Variants in ZNF12 observed in about 807,000 individuals in gnomAD.
The protein encoded by ZNF12 is gonadotropin inducible transcription repressor 3.
In ZNF12, 34 loss-of-function variants were observed where a neutral mutation model predicts 66.6. That is an observed-to-expected ratio of 0.51 (90% CI 0.39 to 0.68). The LOEUF is 0.68. Among genes scored for constraint, ZNF12 ranks in the 30% least tolerant of loss-of-function variants. The pLI is 0.00. For missense variants in ZNF12, 697 were observed against 826.9 expected (o/e 0.84, Z 1.93); for synonymous variants, 320 against 278.9 (o/e 1.15, Z -1.47).
Position 6,698,325 on chromosome 7 carries a change from G to T in ZNF12, c.16-514C>A, listed in dbSNP as rs1780184377. On this transcript the variant is annotated intron_variant, in intron 2 of 4. Transcript: ENST00000405858. This position sits in a 1 kb window ranked among gnomAD's most constrained non-coding sequence, Gnocchi z 4.4. ...TTTCTCTTTGCTGTCTGTACTTGCT[G>T]CTTTGATGGTGAGCCCTCTTCCTGG... Among the ~76,000 whole-genome samples, 1 of 152,078 alleles carries T rather than the reference G, an allele frequency of 6.6e-6. No individual in the cohort carries two copies.
chr7:6,692,562 G>A lies in ZNF12; in HGVS notation c.380C>T (p.Pro127Leu), dbSNP rs377374284. The A allele has an allele frequency of 1.7e-5, 27 of 1,613,708 alleles. No homozygotes were observed. Among genetic ancestry groups the A allele is most frequent in the Middle Eastern group, 1.6e-4 (1 of 6,080 alleles). Residue 127 changes from proline to leucine, a missense_variant, in exon 5 of 5, where the codon CCT (proline) becomes CTT (leucine). Physicochemically the swap from Pro to Leu is moderately conservative, Grantham distance 98 (BLOSUM62 -3). Coordinates refer to ENST00000405858, the MANE Select transcript of ZNF12 (RefSeq NM_016265.4). The surrounding 1 kb of genome is among the most constrained non-coding windows in gnomAD (Gnocchi z 5.1). ...PGKTFDVETN[P>L]VPSRKIAYKN... Reference sequence around the variant, plus strand: ...ATAGGCTATTTTTCTTGAAGGAACAGGGTTCGTTTCTACATCAAAAGTTTT... The same window carrying A: ...ATAGGCTATTTTTCTTGAAGGAACAAGGTTCGTTTCTACATCAAAAGTTTT...
In ZNF12 at chr7:6,696,124, T is replaced by A. The variant is rs973401360; in HGVS notation, c.238+1215A>T. Among the ~76,000 whole-genome samples the A allele has an allele frequency of 6.6e-6, 1 of 152,228 alleles. No homozygotes were observed. Among genetic ancestry groups the A allele is most frequent in the African/African-American group, 2.4e-5 (1 of 41,462 alleles). On this transcript the variant is annotated intron_variant, in intron 4 of 4. Coordinates refer to ENST00000405858, the MANE Select transcript of ZNF12 (RefSeq NM_016265.4). The surrounding 1 kb of genome is among the most constrained non-coding windows in gnomAD (Gnocchi z 4.0). ...GATGATATCAACTGGAAACTTTAGA[T>A]GAAGACATACTGCAAATCCAGCTAG...
chr7:6,704,485 T>C (rs999831397), intron 2 of ZNF12, among the ~76,000 whole-genome samples: 1 of 149,718 alleles, frequency 6.7e-6, no homozygotes, highest in African/African-American at 2.5e-5. Flanking sequence ...GCTCAGCACT[T>C]TGGGAGGCCG....
At chr7:6,693,495 T>G (rs1284482414) in intron 4 of ZNF12, among the ~76,000 whole-genome samples, 1 of 152,254 alleles carries the variant, frequency 6.6e-6, no homozygotes, top group Non-Finnish European at 1.5e-5. Context: ...AATGATGCTA[T>G]GATTTAATGC....
chr7:6,706,424 C>T lies in ZNF12; in HGVS notation c.-51+8G>A, dbSNP rs775144702. ...TTCTCGCCCCGGGCCCGCAAACCCA[C>T]GACTTACCCTCCTGGGGCTCCGCAG... On this transcript the variant is annotated splice_region_variant and intron_variant, in intron 1 of 4. Coordinates refer to ENST00000405858, the MANE Select transcript of ZNF12 (RefSeq NM_016265.4). The T allele has an allele frequency of 5.7e-5, 27 of 474,744 alleles. 1 individual carries two copies. Among genetic ancestry groups the T allele is most frequent in the South Asian group, 4.1e-4 (27 of 65,880 alleles). 29.4% of individuals were successfully genotyped at this position (474,744 alleles called of 1,614,324 possible). A position where few individuals can be genotyped will look rare whatever the true frequency, so the allele number is the denominator to read the frequency against.
At chr7:6,693,766 T>C (rs1377907110) in intron 4 of ZNF12, among the ~76,000 whole-genome samples, 2 of 152,178 alleles carry the variant, frequency 1.3e-5, no homozygotes, top group African/African-American at 2.4e-5. Flanking sequence ...TCTTTCAATC[T>C]CCTGACCATT....
In ZNF12 at chr7:6,689,040, G is replaced by A. The variant is rs1780028356; in HGVS notation, c.*1808C>T. ...TCTATATCAACAGCTTAAAATAAATGACTTACCTAAAGTCCACTTCTGAAC... is the reference window on the plus strand; with the variant it reads ...TCTATATCAACAGCTTAAAATAAATAACTTACCTAAAGTCCACTTCTGAAC... On this transcript the variant is annotated 3_prime_UTR_variant, in exon 5 of 5. Transcript: ENST00000405858. 6.6e-6 allele frequency: 1 copy of A among 152,534 alleles called. No individual in the cohort carries two copies. Among genetic ancestry groups the A allele is most frequent in the Non-Finnish European group, 1.5e-5 (1 of 68,028 alleles). The allele number at this position is 152,534 out of a possible 1,614,324, so 9.4% of individuals were successfully genotyped here.
rs958943648 is a variant in ZNF12 at position 6,706,819 on chromosome 7, C to T, written c.-438G>A. 3.1e-6 allele frequency: 1 copy of T among 321,410 alleles called. No homozygotes were observed. Among genetic ancestry groups the T allele is most frequent in the African/African-American group, 2.3e-5 (1 of 43,044 alleles). 19.9% of individuals were successfully genotyped at this position (321,410 alleles called of 1,614,324 possible). On this transcript the variant is annotated 5_prime_UTR_variant, in exon 1 of 5. Coordinates refer to ENST00000405858, the MANE Select transcript of ZNF12 (RefSeq NM_016265.4). ...TCCGCCTGGCCCGCACAGCCCCGCG[C>T]CCGCTTGGGTGCCGGCCCGGCTCTT... is the stretch of plus-strand genomic sequence containing the variant.
chr7:6,695,666 G>A (rs556715276), intron 4 of ZNF12, among the ~76,000 whole-genome samples: 8 of 152,298 alleles, frequency 5.3e-5, no homozygotes, highest in African/African-American at 1.9e-4. Context: ...TTCCTTACAG[G>A]ACTATGATCC....
chr7:6,690,503 AAC>A lies in ZNF12; in HGVS notation c.*343_*344del, dbSNP rs1176119790. On this transcript the variant is annotated 3_prime_UTR_variant, in exon 5 of 5. Coordinates refer to ENST00000405858, the MANE Select transcript of ZNF12 (RefSeq NM_016265.4). Reference sequence around the variant, plus strand: ...TATCAGAAACATATCTTTTAGTATTAACAGTTTCCAAAGGATTATGTCTTCCA... The same window carrying A: ...TATCAGAAACATATCTTTTAGTATTAAGTTTCCAAAGGATTATGTCTTCCA... 5.7e-6 allele frequency: 1 copy of A among 176,388 alleles called. No homozygotes were observed. Among genetic ancestry groups the A allele is most frequent in the Non-Finnish European group, 1.2e-5 (1 of 84,450 alleles). 10.9% of individuals were successfully genotyped at this position (176,388 alleles called of 1,614,324 possible). A position where few individuals can be genotyped will look rare whatever the true frequency, so the allele number is the denominator to read the frequency against.
intron 2 of ZNF12, among the ~76,000 whole-genome samples, chr7:6,700,037 G>A (rs1780209449): frequency 6.6e-6 from 1 of 151,844 alleles, no homozygotes; most frequent in South Asian, 2.1e-4. Context: ...TGTAATACCA[G>A]CACTTTGGGA....
chr7:6,706,460 A>C lies in ZNF12; in HGVS notation c.-79T>G. On this transcript the variant is annotated 5_prime_UTR_variant, in exon 1 of 5. Transcript: ENST00000405858. ...CCTGGGGCTCCGCAGCCTCTGCCCC[A>C]CCGCTCCCGACAGGCCGGGGCGGGA... 4.2e-6 allele frequency: 2 copies of C among 477,406 alleles called. No individual in the cohort carries two copies. Among genetic ancestry groups the C allele is most frequent in the Middle Eastern group, 8.1e-4 (2 of 2,478 alleles). 29.6% of individuals were successfully genotyped at this position (477,406 alleles called of 1,614,324 possible).
intron 4 of ZNF12, among the ~76,000 whole-genome samples, chr7:6,695,147 C>T (rs911742976): frequency 1.3e-5 from 2 of 152,212 alleles, no homozygotes; most frequent in African/African-American, 4.8e-5. Context: ...AAACTCCTGA[C>T]CTCATGATCT....
intron 4 of ZNF12, among the ~76,000 whole-genome samples, chr7:6,695,068 C>T (rs1780134018): frequency 6.6e-6 from 1 of 152,194 alleles, no homozygotes; most frequent in Non-Finnish European, 1.5e-5. Flanking sequence ...GGACTACAGG[C>T]ATGCGCCACC....
rs28460290 is a variant in ZNF12 at position 6,692,630 on chromosome 7, C to T, written c.312G>A (p.Val104=). Residue 104 remains valine (V), a synonymous_variant, in exon 5 of 5, where the codon GTG becomes GTA. Coordinates refer to ENST00000405858, the MANE Select transcript of ZNF12 (RefSeq NM_016265.4). The surrounding 1 kb of genome is among the most constrained non-coding windows in gnomAD (Gnocchi z 5.1). ...EEENKPSRQT[V]FIETLIEERG... ...TCTCTTCAATCAGGGTCTCAATGAACACAGTTTGCCTTGAAGGTTTATTTT... is the reference window on the plus strand; with the variant it reads ...TCTCTTCAATCAGGGTCTCAATGAATACAGTTTGCCTTGAAGGTTTATTTT... 2.0e-3 allele frequency: 3,158 copies of T among 1,612,982 alleles called. 47 individuals are homozygous for T. In the African/African-American group the frequency reaches 0.034, roughly 17 times the overall value.
Position 6,688,555 on chromosome 7 carries a change from A to T in ZNF12, c.*2293T>A, listed in dbSNP as rs775192393. On this transcript the variant is annotated 3_prime_UTR_variant, in exon 5 of 5. Coordinates refer to ENST00000405858, the MANE Select transcript of ZNF12 (RefSeq NM_016265.4). This position sits in a 1 kb window ranked among gnomAD's most constrained non-coding sequence, Gnocchi z 4.3. ...AATATGCTATGAATATAGAGTTCCT[A>T]CACAAAACTATACAACTTACCAGAT... 2.8e-4 allele frequency: 42 copies of T among 152,224 alleles called. 1 individual carries two copies. The highest frequency in any genetic ancestry group is 2.7e-3 in the Admixed American group (42 of 15,276). The allele number at this position is 152,224 out of a possible 1,614,324, so 9.4% of individuals were successfully genotyped here.
At position 6,691,622 on chromosome 7, in the gene ZNF12, A is replaced by G. The variant is rs765105553; in HGVS notation, c.1320T>C (p.Asn440=). The part of the protein sequence containing the change: ...THTGEKPYEC[N]ECGKFFSRLS... ...ACCGAGAGAAGAATTTTCCACACTCATTACATTCATACGGTTTCTCTCCTG... is the reference window on the plus strand; with the variant it reads ...ACCGAGAGAAGAATTTTCCACACTCGTTACATTCATACGGTTTCTCTCCTG... Residue 440 remains asparagine, a synonymous_variant, in exon 5 of 5, where the codon AAT becomes AAC. Transcript: ENST00000405858. 1 of 1,613,958 alleles carries G rather than the reference A, an allele frequency of 6.2e-7. No individual in the cohort carries two copies. The highest frequency in any genetic ancestry group is 1.7e-5 in the Admixed American group (1 of 60,010).
At chr7:6,694,742 C>T (rs1780128850) in intron 4 of ZNF12, among the ~76,000 whole-genome samples, 1 of 152,016 alleles carries the variant, frequency 6.6e-6, no homozygotes, top group Non-Finnish European at 1.5e-5. Context: ...TCAAAACCTA[C>T]CTTTGTAGGG....
chr7:6,691,301 C>T lies in ZNF12; in HGVS notation c.1641G>A (p.Lys547=). Reference sequence around the variant, plus strand: ...TTCCACATATATAGCATTCATAGGGCTTCTCTCCTTTGTGTATTCTCCGAT... The same window carrying T: ...TTCCACATATATAGCATTCATAGGGTTTCTCTCCTTTGTGTATTCTCCGAT... ...CRHRRIHKGE[K]PYECYICGKF... is the part of the protein sequence containing the mutation. Residue 547 remains lysine, a synonymous_variant, in exon 5 of 5, where the codon AAG becomes AAA. Coordinates refer to ENST00000405858, the MANE Select transcript of ZNF12 (RefSeq NM_016265.4). The T allele has an allele frequency of 6.2e-7, 1 of 1,613,666 alleles. No homozygotes were observed. Among genetic ancestry groups the T allele is most frequent in the Non-Finnish European group, 8.5e-7 (1 of 1,179,840 alleles).
Sources: gnomAD v4.1 joint callset for allele counts (sites outside exome capture counted in the v4.1 genomes callset) on GRCh38, gnomAD v4.1.1 for gene constraint, Gnocchi (gnomAD v3.1) non-coding constraint, MANE v1.5 for transcripts, NCBI Gene and HGNC (gene_info 2026-07-23, HGNC 2026-07-21) for gene names.